Variants in PPFIA2 observed in about 807,000 individuals in gnomAD.
PPFIA2 encodes the protein liprin-alpha-2.
In PPFIA2, 46 loss-of-function variants were observed where a neutral mutation model predicts 175.5. That is an observed-to-expected ratio of 0.26 (90% CI 0.21 to 0.34). The LOEUF (loss-of-function observed/expected upper bound fraction) is 0.34. Among genes scored for constraint, PPFIA2 ranks in the 10% least tolerant of loss-of-function variants. The pLI, the probability that PPFIA2 is intolerant of heterozygous loss-of-function variation, is 1.00. For synonymous variants in PPFIA2, 568 were observed against 511.4 expected (o/e 1.11, Z -1.49); for missense variants, 1,179 against 1,506.1 (o/e 0.78, Z 3.60).
chr12:81,746,990 C>A (rs2083145317), intron 3 of PPFIA2, among the ~76,000 whole-genome samples: 2 of 143,396 alleles, frequency 1.4e-5, no homozygotes, highest in South Asian at 4.6e-4. Flanking sequence ...GAAAGCATCA[C>A]TAGATTTGCA....
intron 4 of PPFIA2, among the ~76,000 whole-genome samples, chr12:81,544,290 G>T (rs778449029): frequency 6.6e-6 from 1 of 151,968 alleles, no homozygotes; most frequent in African/African-American, 2.4e-5. Flanking sequence ...TAAGGTCCAG[G>T]TTTCCTACAA....
At chr12:81,682,238 T>C (rs570211868) in intron 3 of PPFIA2, among the ~76,000 whole-genome samples, 64 of 152,106 alleles carry the variant, frequency 4.2e-4, no homozygotes, top group African/African-American at 1.5e-3. Flanking sequence ...CAGGGATGTG[T>C]GCACACTGAG....
At chr12:81,439,384 A>C (rs748530451) in intron 7 of PPFIA2, among the ~76,000 whole-genome samples, 7 of 151,912 alleles carry the variant, frequency 4.6e-5, no homozygotes, top group South Asian at 4.2e-4. Flanking sequence ...TGTACTCTCT[A>C]TATATACCTA....
intron 13 of PPFIA2, chr12:81,368,189 T>C: frequency 2.3e-6 from 3 of 1,277,978 alleles, no homozygotes; most frequent in Non-Finnish European, 3.1e-6. Context: ...CATATATAAC[T>C]GTAAATCACA....
At chr12:81,370,116 A>G (rs2034669269) in intron 11 of PPFIA2, among the ~76,000 whole-genome samples, 1 of 151,852 alleles carries the variant, frequency 6.6e-6, no homozygotes, top group African/African-American at 2.4e-5. Context: ...CTTAAAAATA[A>G]TGGAAACAGT....
chr12:81,736,297 T>C (rs952066800), intron 3 of PPFIA2, among the ~76,000 whole-genome samples: 2 of 152,052 alleles, frequency 1.3e-5, no homozygotes, highest in African/African-American at 4.8e-5. Flanking sequence ...AGTATTTCAT[T>C]ATTTTAGATG....
At chr12:81,537,681 G>A (rs1187638954) in intron 4 of PPFIA2, among the ~76,000 whole-genome samples, 8 of 151,760 alleles carry the variant, frequency 5.3e-5, no homozygotes, top group African/African-American at 1.7e-4. Flanking sequence ...ATATCAAGAC[G>A]TATTTTAAGA....
chr12:81,464,894 A>AC (rs934446454), intron 4 of PPFIA2, among the ~76,000 whole-genome samples: 10 of 151,660 alleles, frequency 6.6e-5, no homozygotes, highest in Admixed American at 2.6e-4. Flanking sequence ...GAAAAAAAAA[A>AC]AAAACTTCTA....
chr12:81,458,774 C>T (rs992150407), intron 4 of PPFIA2, among the ~76,000 whole-genome samples: 25 of 152,038 alleles, frequency 1.6e-4, no homozygotes, highest in African/African-American at 5.6e-4. Flanking sequence ...ACCTTATAAA[C>T]AAATATTTAT....
intron 3 of PPFIA2, among the ~76,000 whole-genome samples, chr12:81,715,943 T>C (rs1440985390): frequency 1.3e-5 from 2 of 151,570 alleles, no homozygotes; most frequent in Non-Finnish European, 3.0e-5. Flanking sequence ...CACAGTTCAA[T>C]TAAAAACTTT....
At chr12:81,708,631 A>G (rs2077509210) in intron 3 of PPFIA2, among the ~76,000 whole-genome samples, 1 of 152,190 alleles carries the variant, frequency 6.6e-6, no homozygotes, top group Non-Finnish European at 1.5e-5. Context: ...TGTTTAGGGA[A>G]TCTCTGTTAA....
In PPFIA2 at chr12:81,364,410, G is replaced by T. The variant is rs1048213688; in HGVS notation, c.1546-1626C>A. Among the ~76,000 whole-genome samples, 3 of 151,836 alleles carry T rather than the reference G, an allele frequency of 2.0e-5. No homozygotes were observed. In the East Asian group the frequency reaches 5.8e-4, roughly 30 times the overall value. On this transcript the variant is annotated intron_variant, in intron 14 of 32. Transcript: ENST00000549396. ...ATGTATTTATTTATTTAAAGACAGG[G>T]TCTCACTTTGCCACTGAAACTGGAG...
intron 5 of PPFIA2, among the ~76,000 whole-genome samples, chr12:81,454,469 G>A (rs1566904094): frequency 6.6e-6 from 1 of 152,054 alleles, no homozygotes; most frequent in Non-Finnish European, 1.5e-5. Flanking sequence ...AGATTGCTGT[G>A]AGAATAAAGT....
chr12:81,644,102 A>G (rs2065726498), intron 4 of PPFIA2, among the ~76,000 whole-genome samples: 2 of 152,082 alleles, frequency 1.3e-5, no homozygotes, highest in South Asian at 2.1e-4. Flanking sequence ...AATACAGATA[A>G]TACACCACAG....
intron 4 of PPFIA2, among the ~76,000 whole-genome samples, chr12:81,589,164 A>G (rs1171831750): frequency 6.6e-6 from 1 of 152,006 alleles, no homozygotes; most frequent in Non-Finnish European, 1.5e-5. Context: ...GTGAATTAAC[A>G]ATGAGAATAA....
chr12:81,504,735 G>T (rs984668076), intron 4 of PPFIA2, among the ~76,000 whole-genome samples: 41 of 152,218 alleles, frequency 2.7e-4, no homozygotes, highest in African/African-American at 9.6e-4. Context: ...CAAAGAATTG[G>T]AACCAACCCA....
rs2056547462 is a variant in PPFIA2 at position 81,470,549 on chromosome 12, T to C, written c.304-12683A>G. On this transcript the variant is annotated intron_variant, in intron 4 of 32. Transcript: ENST00000549396. The stretch of plus-strand genomic sequence containing the variant: ...TAAAACATAGAGTTATCGTATGGTC[T>C]AGCAATTTCTCTACTAGGTATATAC... Among the ~76,000 whole-genome samples the C allele has an allele frequency of 3.9e-5, 6 of 152,224 alleles. No homozygotes were observed. The South Asian group carries it at 1.2e-3, about 32-fold the overall frequency.
chr12:81,631,432 C>G (rs556258366), intron 4 of PPFIA2, among the ~76,000 whole-genome samples: 1 of 152,066 alleles, frequency 6.6e-6, no homozygotes, highest in African/African-American at 2.4e-5. Context: ...TTTTTGAGCC[C>G]AGTTCTTCTT....
intron 4 of PPFIA2, among the ~76,000 whole-genome samples, chr12:81,612,392 G>C (rs914566771): frequency 6.6e-6 from 1 of 152,122 alleles, no homozygotes; most frequent in African/African-American, 2.4e-5. Flanking sequence ...GATTCTGCAG[G>C]TGAACTGGGA....
Sources: allele counts gnomAD v4.1 joint callset (sites outside exome capture counted in the v4.1 genomes callset), GRCh38; gene constraint gnomAD v4.1.1; transcripts MANE v1.5; gene names NCBI Gene and HGNC (gene_info 2026-07-23, HGNC 2026-07-21).